FBXO11: variants seen among roughly 807,000 people sequenced by gnomAD.
FBXO11 encodes F-box protein 11.
In FBXO11, 13 loss-of-function variants were observed where a neutral mutation model predicts 117.0. The observed-to-expected ratio is 0.11, with a 90% CI of 0.07 to 0.18. The LOEUF (loss-of-function observed/expected upper bound fraction) is 0.18, where lower values mean the gene tolerates loss of function less well. Among genes scored for constraint, FBXO11 ranks in the 10% least tolerant of loss-of-function variants. FBXO11 has a pLI of 1.00. For synonymous variants in FBXO11, 490 were observed against 380.5 expected (o/e 1.29, Z -3.35); for missense variants, 767 against 1,164.4 (o/e 0.66, Z 4.97).
chr2:47,891,353 G>A (rs367691088), intron 1 of FBXO11, among the ~76,000 whole-genome samples: 3 of 152,156 alleles, frequency 2.0e-5, no homozygotes, highest in South Asian at 4.1e-4. Flanking sequence ...GACTATTTCA[G>A]ATAACTTCAT....
intron 18 of FBXO11, chr2:47,812,740 A>C (rs1011252971): frequency 5.2e-6 from 1 of 193,078 alleles, no homozygotes; most frequent in Non-Finnish European, 1.1e-5. Context: ...AGGGGCAGGC[A>C]CTATGGAACT....
chr2:47,873,530 A>G (rs1263267240), intron 1 of FBXO11, among the ~76,000 whole-genome samples: 4 of 151,806 alleles, frequency 2.6e-5, no homozygotes, highest in Non-Finnish European at 4.4e-5. Flanking sequence ...ATACCTTCCC[A>G]GTGCTCCTGG....
chr2:47,897,363 A>C (rs1677749348), intron 1 of FBXO11, among the ~76,000 whole-genome samples: 1 of 152,214 alleles, frequency 6.6e-6, no homozygotes, highest in Non-Finnish European at 1.5e-5. Flanking sequence ...ACCAATATCA[A>C]AGGTTAAACC....
chr2:47,848,862 G>C (rs1017624489), intron 1 of FBXO11, among the ~76,000 whole-genome samples: 1 of 152,034 alleles, frequency 6.6e-6, no homozygotes, highest in African/African-American at 2.4e-5. Flanking sequence ...CCTTTACCTT[G>C]AAAGTTTGCA....
intron 1 of FBXO11, among the ~76,000 whole-genome samples, chr2:47,898,138 C>T (rs886605207): frequency 1.3e-5 from 2 of 152,222 alleles, no homozygotes; most frequent in Admixed American, 6.5e-5. Flanking sequence ...TGAACTCACA[C>T]TTGCTTTAAC....
intron 1 of FBXO11, among the ~76,000 whole-genome samples, chr2:47,855,841 C>CA (rs550640017): frequency 0.12 from 13,090 of 105,210 alleles, 599 homozygotes; most frequent in Non-Finnish European, 0.15. Context: ...TCAAACAGTT[C>CA]AAAAAAAAAA....
At chr2:47,904,457 G>T (rs1324288811) in intron 1 of FBXO11, among the ~76,000 whole-genome samples, 7 of 152,172 alleles carry the variant, frequency 4.6e-5, no homozygotes, top group African/African-American at 1.4e-4. Context: ...GCTAAAGCAG[G>T]ATTTCAACCT....
chr2:47,827,879 T>C (rs1211639674), intron 11 of FBXO11, among the ~76,000 whole-genome samples: 1 of 151,800 alleles, frequency 6.6e-6, no homozygotes, highest in Admixed American at 6.6e-5. Context: ...GTATTTTTAG[T>C]AGAGACGGGG....
At chr2:47,897,636 G>A (rs1372286786) in intron 1 of FBXO11, among the ~76,000 whole-genome samples, 8 of 147,094 alleles carry the variant, frequency 5.4e-5, no homozygotes, top group African/African-American at 1.8e-4. Flanking sequence ...GGCAGAGGTT[G>A]CAGTGAGCCA....
intron 1 of FBXO11, among the ~76,000 whole-genome samples, chr2:47,864,148 A>G (rs949563973): frequency 1.3e-5 from 2 of 152,242 alleles, no homozygotes; most frequent in African/African-American, 4.8e-5. Flanking sequence ...TAAGACTAAC[A>G]TAACTATGGT....
chr2:47,838,783 G>A (rs749911924), intron 4 of FBXO11, 76 bp downstream of exon 4: 29 of 1,418,482 alleles, frequency 2.0e-5, no homozygotes, highest in South Asian at 1.2e-4. Flanking sequence ...TCACCGCACC[G>A]ACTTTCCTAC....
intron 7 of FBXO11, 79 bp downstream of exon 7, chr2:47,834,500 A>G: frequency 9.0e-7 from 1 of 1,109,150 alleles, no homozygotes. Flanking sequence ...ACTGGATTTT[A>G]AGTCACTAGC....
intron 1 of FBXO11, among the ~76,000 whole-genome samples, chr2:47,880,272 T>C (rs1188888343): frequency 6.6e-6 from 1 of 152,030 alleles, no homozygotes; most frequent in Non-Finnish European, 1.5e-5. Flanking sequence ...GCCCTGAGAG[T>C]GTTTTAATGT....
intron 1 of FBXO11, among the ~76,000 whole-genome samples, chr2:47,857,626 T>C (rs373530108): frequency 4.6e-5 from 7 of 152,074 alleles, no homozygotes; most frequent in Admixed American, 6.6e-5. Flanking sequence ...AGGGGTAAGA[T>C]AAGGACAGAC....
At chr2:47,815,303 C>T (rs1001154678) in intron 16 of FBXO11, among the ~76,000 whole-genome samples, 3 of 152,198 alleles carry the variant, frequency 2.0e-5, no homozygotes, top group Non-Finnish European at 4.4e-5. Context: ...ATTCCCCTTC[C>T]CCTGGGTATC....
intron 1 of FBXO11, among the ~76,000 whole-genome samples, chr2:47,847,232 G>A (rs1012131573): frequency 6.6e-6 from 1 of 152,150 alleles, no homozygotes; most frequent in East Asian, 1.9e-4. Context: ...GTGACAGAGT[G>A]AGACTCTGTC....
At chr2:47,900,849 TATATATACACGTATACAC>T (rs1678168183) in intron 1 of FBXO11, among the ~76,000 whole-genome samples, 2 of 118,282 alleles carry the variant, frequency 1.7e-5, no homozygotes, top group South Asian at 2.3e-4. Context: ...CACACGTGTA[TATATATACACGTATACAC>T]ACACACGTGT....
chr2:47,839,660 G>A lies in FBXO11; in HGVS notation c.342C>T (p.Pro114=), dbSNP rs1377734189. 1 of 1,614,022 alleles carries A rather than the reference G, an allele frequency of 6.2e-7. No individual in the cohort carries two copies. The part of the protein sequence containing the change: ...KTLLPKRTAC[P]TKNSMEGAST... ...AAGTTACCTCCATACTGTTCTTTGTGGGACACGCTGTTCTTTTCGGCAAAA... is the reference window on the plus strand; with the variant it reads ...AAGTTACCTCCATACTGTTCTTTGTAGGACACGCTGTTCTTTTCGGCAAAA... The change falls in exon 2 of 23, where the codon CCC becomes CCT. Residue 114 remains proline (P), a synonymous_variant. Transcript: ENST00000403359.
chr2:47,901,160 T>TAC (rs1180499974), intron 1 of FBXO11, among the ~76,000 whole-genome samples: 6 of 125,964 alleles, frequency 4.8e-5, no homozygotes, highest in South Asian at 2.3e-4. Flanking sequence ...TGTACATATA[T>TAC]ACATATATAT....
Sources: gnomAD v4.1 joint callset for allele counts (sites outside exome capture counted in the v4.1 genomes callset) on GRCh38, gnomAD v4.1.1 for gene constraint, MANE v1.5 for transcripts, NCBI Gene and HGNC (gene_info 2026-07-23, HGNC 2026-07-21) for gene names.